Variants in ANKRD44 observed in about 807,000 individuals in gnomAD.
ANKRD44 encodes ankyrin repeat domain 44.
In ANKRD44, 35 loss-of-function variants were observed where a neutral mutation model predicts 116.0. That is an observed-to-expected ratio of 0.30 (90% CI 0.23 to 0.40). ANKRD44 has a LOEUF of 0.40. ANKRD44 is among the 10% of genes least tolerant of loss of function. The probability of loss-of-function intolerance (pLI) is 1.00; values close to 1 mark genes in which losing one functional copy is unlikely to be tolerated. For synonymous variants in ANKRD44, 435 were observed against 461.8 expected (o/e 0.94, Z 0.74); for missense variants, 1,014 against 1,242.6 (o/e 0.82, Z 2.77).
chr2:196,972,772 T>G (rs553343461), intron 21 of ANKRD44, among the ~76,000 whole-genome samples: 1 of 152,336 alleles, frequency 6.6e-6, no homozygotes, highest in Admixed American at 6.5e-5. Flanking sequence ...TTAAATATCT[T>G]AAATATCACC....
intron 4 of ANKRD44, among the ~76,000 whole-genome samples, chr2:197,128,151 G>C (rs529310171): frequency 2.0e-5 from 3 of 152,236 alleles, no homozygotes; most frequent in African/African-American, 7.2e-5. Flanking sequence ...CTTTCTAATA[G>C]AATGATTTAT....
At chr2:197,105,672 T>C (rs1419989481) in intron 9 of ANKRD44, among the ~76,000 whole-genome samples, 1 of 152,206 alleles carries the variant, frequency 6.6e-6, no homozygotes, top group Non-Finnish European at 1.5e-5. Context: ...ATTGTGATCG[T>C]CTAGGGACTC....
chr2:197,066,768 T>A (rs2077442221), intron 16 of ANKRD44, among the ~76,000 whole-genome samples: 1 of 152,090 alleles, frequency 6.6e-6, no homozygotes, highest in Non-Finnish European at 1.5e-5. Flanking sequence ...AAACCACTGC[T>A]CAATGAAATA....
chr2:196,985,805 G>C (rs1475540770), downstream of ANKRD44, among the ~76,000 whole-genome samples: 1 of 152,154 alleles, frequency 6.6e-6, no homozygotes, highest in Non-Finnish European at 1.5e-5. Context: ...GTTCCTTAGT[G>C]CTTCCAGAGA....
chr2:197,093,440 A>G (rs560439314), intron 10 of ANKRD44, among the ~76,000 whole-genome samples: 4 of 152,128 alleles, frequency 2.6e-5, no homozygotes, highest in African/African-American at 9.7e-5. Flanking sequence ...CAAACCTGAG[A>G]AGATGAAAGA....
intron 14 of ANKRD44, among the ~76,000 whole-genome samples, chr2:197,082,845 T>C (rs2077829296): frequency 6.6e-6 from 1 of 152,216 alleles, no homozygotes; most frequent in Admixed American, 6.5e-5. Flanking sequence ...TTTCTATTCC[T>C]ACGCACCTAG....
chr2:197,112,934 T>C (rs981197732), intron 8 of ANKRD44, among the ~76,000 whole-genome samples: 113 of 151,314 alleles, frequency 7.5e-4, no homozygotes, highest in African/African-American at 2.6e-3. Context: ...GAATTACACA[T>C]AGTCTGTGCC....
intron 16 of ANKRD44, among the ~76,000 whole-genome samples, chr2:197,038,410 C>G (rs2076846501): frequency 6.6e-6 from 1 of 152,130 alleles, no homozygotes; most frequent in South Asian, 2.1e-4. Context: ...CAAACCTGAC[C>G]TTTCATAGAA....
intron 1 of ANKRD44, among the ~76,000 whole-genome samples, chr2:197,288,420 C>A (rs2083467378): frequency 6.6e-6 from 1 of 152,114 alleles, no homozygotes; most frequent in Non-Finnish European, 1.5e-5. Flanking sequence ...AACAGCATGG[C>A]AATCTCTCAA....
intron 9 of ANKRD44, among the ~76,000 whole-genome samples, chr2:197,104,075 A>G (rs1459182956): frequency 6.6e-6 from 1 of 152,230 alleles, no homozygotes; most frequent in Non-Finnish European, 1.5e-5. Context: ...CACAGGAATG[A>G]ACATATTTAC....
chr2:196,970,052 G>C (rs567979932), intron 21 of ANKRD44, among the ~76,000 whole-genome samples: 1 of 152,286 alleles, frequency 6.6e-6, no homozygotes, highest in East Asian at 1.9e-4. Flanking sequence ...AATCAGTCTT[G>C]TGTTAACTCT....
chr2:197,278,880 A>G (rs1290673926), intron 1 of ANKRD44, among the ~76,000 whole-genome samples: 2 of 152,340 alleles, frequency 1.3e-5, no homozygotes. Context: ...TGTGGTCTGG[A>G]GCAAACATGC....
intron 16 of ANKRD44, among the ~76,000 whole-genome samples, chr2:197,057,434 A>AC (rs1217666027): frequency 6.6e-6 from 1 of 152,126 alleles, no homozygotes; most frequent in Non-Finnish European, 1.5e-5. Context: ...TAAAATACAT[A>AC]CTTTTTTTTG....
chr2:197,099,019 C>A (rs953213450), intron 10 of ANKRD44, among the ~76,000 whole-genome samples: 1 of 152,090 alleles, frequency 6.6e-6, no homozygotes, highest in African/African-American at 2.4e-5. Flanking sequence ...TTTGTTCCCG[C>A]TTTCCTCCCT....
rs374764634 is a variant in ANKRD44 at position 197,060,318 on chromosome 2, T to C, written c.1650+18385A>G. Among the ~76,000 whole-genome samples the C allele has an allele frequency of 9.8e-5, 15 of 152,310 alleles. No individual in the cohort carries two copies. In the East Asian group the frequency reaches 1.5e-3, roughly 16 times the overall value. On this transcript the variant is annotated intron_variant, in intron 16 of 27. Coordinates refer to ENST00000282272, the MANE Select transcript of ANKRD44 (RefSeq NM_001195144.2). The stretch of plus-strand genomic sequence containing the variant: ...CATTAAATGAATACATAATAACAGT[T>C]GCCACTTGTACCTATCATATGCCAG...
chr2:197,306,626 T>A (rs778500815), intron 1 of ANKRD44, among the ~76,000 whole-genome samples: 1 of 152,220 alleles, frequency 6.6e-6, no homozygotes, highest in Admixed American at 6.5e-5. Context: ...CTGTTTGCTT[T>A]AACACCAGTG....
At chr2:197,192,484 G>A (rs765065110) in intron 1 of ANKRD44, among the ~76,000 whole-genome samples, 1 of 152,198 alleles carries the variant, frequency 6.6e-6, no homozygotes, top group African/African-American at 2.4e-5. Flanking sequence ...AGCATTCTGA[G>A]TACATATGTC....
chr2:197,252,063 T>C (rs995425293), intron 1 of ANKRD44, among the ~76,000 whole-genome samples: 5 of 152,224 alleles, frequency 3.3e-5, no homozygotes, highest in Non-Finnish European at 7.3e-5. Flanking sequence ...TTTGTGTCTT[T>C]ATCCTAAAAT....
chr2:197,125,591 C>A lies in ANKRD44; in HGVS notation c.463-123G>T, dbSNP rs973566530. 7 of 1,002,194 alleles carry A rather than the reference C, an allele frequency of 7.0e-6. No individual in the cohort carries two copies. In the African/African-American group the frequency reaches 9.5e-5, roughly 14 times the overall value. 62.1% of individuals were successfully genotyped at this position (1,002,194 alleles called of 1,614,324 possible). A position where few individuals can be genotyped will look rare whatever the true frequency, so the allele number is the denominator to read the frequency against. Reference sequence around the variant, plus strand: ...AAAGGCAGGTCAGAGATCTGGAGTTCTGACAAAGTAGAAATATGATGTCAG... The same window carrying A: ...AAAGGCAGGTCAGAGATCTGGAGTTATGACAAAGTAGAAATATGATGTCAG... On this transcript the variant is annotated intron_variant, in intron 5 of 27. Coordinates refer to ENST00000282272, the MANE Select transcript of ANKRD44 (RefSeq NM_001195144.2).
Sources: gnomAD v4.1 joint callset for allele counts (sites outside exome capture counted in the v4.1 genomes callset) on GRCh38, gnomAD v4.1.1 for gene constraint, MANE v1.5 for transcripts, NCBI Gene and HGNC (gene_info 2026-07-23, HGNC 2026-07-21) for gene names.